ACP5: variants seen among roughly 807,000 people sequenced by gnomAD.
The protein encoded by ACP5 is acid phosphatase 5, tartrate resistant.
In ACP5, 24 loss-of-function variants were observed where a neutral mutation model predicts 28.7. That is an observed-to-expected ratio of 0.84 (90% CI 0.61 to 1.18). The LOEUF (loss-of-function observed/expected upper bound fraction) is 1.18, where lower values mean the gene tolerates loss of function less well. Among genes scored for constraint, ACP5 ranks in the 50% most tolerant of loss-of-function variants. The probability of loss-of-function intolerance (pLI) is 0.00; values close to 1 mark genes in which losing one functional copy is unlikely to be tolerated. For synonymous variants in ACP5, 154 were observed against 181.4 expected (o/e 0.85, Z 1.21); for missense variants, 354 against 422.2 (o/e 0.84, Z 1.42).
chr19:11,576,663 C>T (rs1973170085), intron 3 of ACP5, 53 bp downstream of exon 3: 1 of 1,613,810 alleles, frequency 6.2e-7, no homozygotes, highest in Non-Finnish European at 8.5e-7. Context: ...CCACAGGGCC[C>T]CTGTGTCCCT....
rs770348727 is a variant in ACP5, at chr19:11,576,936, C to T, written c.262-93G>A. 8 of 1,610,016 alleles carry T rather than the reference C, an allele frequency of 5.0e-6. No individual in the cohort carries two copies. In the East Asian group the frequency reaches 1.8e-4, roughly 36 times the overall value. ...CAGGATAAGGGAGACACTGAATGCT[C>T]CCGGCGCCCAAAGGTGCCCCATCAC... is the stretch of plus-strand genomic sequence containing the variant. On this transcript the variant is annotated intron_variant, in intron 2 of 4. Transcript: ENST00000648477.
chr19:11,576,604 A>G lies in ACP5; in HGVS notation c.390-16T>C, dbSNP rs764203884. ...GGGGAAGTTCCTGTGGAGGGGATAG[A>G]GGTCGTGGGTGCACATCTTGGGCGC... On this transcript the variant is annotated splice_polypyrimidine_tract_variant and intron_variant, in intron 3 of 4. Coordinates refer to ENST00000648477, the MANE Select transcript of ACP5 (RefSeq NM_001611.5). 2 of 1,613,556 alleles carry G rather than the reference A, an allele frequency of 1.2e-6. No homozygotes were observed. The highest frequency in any genetic ancestry group is 1.1e-5 in the South Asian group (1 of 91,014).
In ACP5 at chr19:11,576,769, G is replaced by A; in HGVS notation, c.336C>T (p.Asp112=). 3.1e-6 allele frequency: 5 copies of A among 1,614,072 alleles called. No homozygotes were observed. Among genetic ancestry groups the A allele is most frequent in the Non-Finnish European group, 3.4e-6 (4 of 1,180,012 alleles). ...VPWYVLAGNH[D]HLGNVSAQIA... ...TCTGGGCAGAGACATTGCCAAGGTG[G>A]TCATGGTTTCCGGCTAGCACGTACC... The change falls in exon 3 of 5, where the codon GAC becomes GAT. Residue 112 remains aspartate, a synonymous_variant. Transcript: ENST00000648477.
intron 4 of ACP5, 72 bp from the exon 5 acceptor site, chr19:11,575,324 A>T (rs1215238955): frequency 6.3e-7 from 1 of 1,585,418 alleles, no homozygotes; most frequent in Admixed American, 1.7e-5. Flanking sequence ...CCAGGGCTCG[A>T]TCTGGCCCTA....
rs746606561 is a variant in ACP5, at chr19:11,576,519, A to G, written c.459T>C (p.Phe153=). 5 of 1,613,922 alleles carry G rather than the reference A, an allele frequency of 3.1e-6. No individual in the cohort carries two copies. The highest frequency in any genetic ancestry group is 4.2e-6 in the Non-Finnish European group (5 of 1,179,998). ...CACATAGTGTCACTGTGTCCAGCAT[A>G]AAAATGGCCACAGACACATTGGTCT... ...IPQTNVSVAI[F]MLDTVTLCGN... is the part of the protein sequence containing the mutation. The change falls in exon 4 of 5, where the codon TTT becomes TTC. Residue 153 remains phenylalanine, a synonymous_variant. Coordinates refer to ENST00000648477, the MANE Select transcript of ACP5 (RefSeq NM_001611.5).
Position 11,575,138 on chromosome 19 carries a change from C to T in ACP5, c.850G>A (p.Gly284Arg). ...AAGCCACCCAGTGAGTCTTCAGTCC[C>T]ATAGTGGAAGCGCAGATAGCCGTTG... ...VPNGYLRFHY[G>R]TEDSLGGFAY... The change falls in exon 5 of 5, where the codon GGG becomes AGG. Residue 284 changes from glycine to arginine, a missense_variant. By Grantham distance (125) the Gly-to-Arg change is moderately radical. Coordinates refer to ENST00000648477, the MANE Select transcript of ACP5 (RefSeq NM_001611.5). 6.2e-7 allele frequency: 1 copy of T among 1,614,192 alleles called. No homozygotes were observed. The highest frequency in any genetic ancestry group is 8.5e-7 in the Non-Finnish European group (1 of 1,180,038).
At chr19:11,577,676 T>G, upstream of ACP5, 7 of 392,974 alleles carry the variant, frequency 1.8e-5, no homozygotes, top group Non-Finnish European at 2.4e-5. This position sits in a 1 kb window ranked among gnomAD's most constrained non-coding sequence, Gnocchi z 5.7. Context: ...TGAGCCTTTA[T>G]TCCCTGAGGA....
Position 11,574,827 on chromosome 19 carries a change from A to T in ACP5, c.*183T>A. The T allele has an allele frequency of 1.5e-6, 1 of 662,606 alleles. No homozygotes were observed. Among genetic ancestry groups the T allele is most frequent in the Non-Finnish European group, 2.6e-6 (1 of 380,464 alleles). The allele number at this position is 662,606 out of a possible 1,614,324, so 41.0% of individuals were successfully genotyped here. A position where few individuals can be genotyped will look rare whatever the true frequency, so the allele number is the denominator to read the frequency against. ...TGGGACACATGTCCATGTGTGTTTC[A>T]CATACGTGGGCATCTGTGCCACAAG... On this transcript the variant is annotated 3_prime_UTR_variant, in exon 5 of 5. Transcript: ENST00000648477.
chr19:11,576,647 C>CT, intron 3 of ACP5, 59 bp from the exon 4 acceptor site: 1 of 1,613,840 alleles, frequency 6.2e-7, no homozygotes, highest in Non-Finnish European at 8.5e-7. Context: ...CCAGGGTCAG[C>CT]TCAAGCCACA....
rs2229532 is a variant in ACP5, at chr19:11,576,317, C to T, written c.661G>A (p.Val221Ile). ...IAEHGPTHCL[V>I]KQLRPLLATY... ...GCCAGCAGTGGCCGTAGCTGCTTGA[C>T]CAGGCAGTGGGTAGGCCCGTGCTCG... Residue 221 changes from valine (V) to isoleucine (I), a missense_variant, in exon 4 of 5, where the codon GTC (valine) becomes ATC (isoleucine). By Grantham distance (29) the Val-to-Ile change is conservative. Coordinates refer to ENST00000648477, the MANE Select transcript of ACP5 (RefSeq NM_001611.5). 10,401 of 1,611,542 alleles carry T rather than the reference C, an allele frequency of 6.5e-3. 612 individuals carry two copies. The African/African-American group carries it at 0.13, about 19-fold the overall frequency.
chr19:11,577,410 G>T lies in ACP5; in HGVS notation c.1-93C>A. On this transcript the variant is annotated intron_variant, in intron 1 of 4. Coordinates refer to ENST00000648477, the MANE Select transcript of ACP5 (RefSeq NM_001611.5). The surrounding 1 kb of genome is among the most constrained non-coding windows in gnomAD (Gnocchi z 5.7). ...GCCTGCCCTGAGATAGAGGGAGACT[G>T]CTTGCTGCAGGCTGCCCCTGCGGGA... 1 of 1,428,312 alleles carries T rather than the reference G, an allele frequency of 7.0e-7. No individual in the cohort carries two copies. The highest frequency in any genetic ancestry group is 9.7e-7 in the Non-Finnish European group (1 of 1,035,458). The allele number at this position is 1,428,312 out of a possible 1,614,324, so 88.5% of individuals were successfully genotyped here. A position where few individuals can be genotyped will look rare whatever the true frequency, so the allele number is the denominator to read the frequency against.
chr19:11,575,628 C>T (rs1435237379), intron 4 of ACP5: 4 of 282,736 alleles, frequency 1.4e-5, no homozygotes, highest in East Asian at 1.6e-4. Flanking sequence ...GAGGCCGAGG[C>T]GGGCAGATCA....
chr19:11,577,678 C>A (rs1025636710), upstream of ACP5: 3 of 393,932 alleles, frequency 7.6e-6, no homozygotes, highest in Non-Finnish European at 9.6e-6. This position sits in a 1 kb window ranked among gnomAD's most constrained non-coding sequence, Gnocchi z 5.7. Context: ...AGCCTTTATT[C>A]CCTGAGGAGG....
At position 11,576,492 on chromosome 19, in the gene ACP5, G is replaced by GCCACATAGTGTCACTGTGT; in HGVS notation, c.467_485dup (p.Asn163HisfsTer10). Reference sequence around the variant, plus strand: ...GCTGGCTGAGGAAGTCATCTGAGTTGCCACATAGTGTCACTGTGTCCAGCA... The same window carrying GCCACATAGTGTCACTGTGT: ...GCTGGCTGAGGAAGTCATCTGAGTTGCCACATAGTGTCACTGTGTCCACATAGTGTCACTGTGTCCAGCA... On this transcript the variant is annotated frameshift_variant, in exon 4 of 5. Transcript: ENST00000648477. LOFTEE classifies it high-confidence loss of function. 1 of 1,614,172 alleles carries GCCACATAGTGTCACTGTGT rather than the reference G, an allele frequency of 6.2e-7. No individual in the cohort carries two copies. The highest frequency in any genetic ancestry group is 8.5e-7 in the Non-Finnish European group (1 of 1,180,020).
At position 11,574,981 on chromosome 19, in the gene ACP5, G is replaced by A. The variant is rs1249215182; in HGVS notation, c.*29C>T. ...GCCCACCCACCCAACAGTGGAGATC[G>A]GGCCTCAGAGCTGGGCAGTCATGGG... On this transcript the variant is annotated 3_prime_UTR_variant, in exon 5 of 5. Transcript: ENST00000648477. 8 of 1,613,394 alleles carry A rather than the reference G, an allele frequency of 5.0e-6. No individual in the cohort carries two copies. The highest frequency in any genetic ancestry group is 1.1e-5 in the South Asian group (1 of 90,980).
At chr19:11,577,761 A>T, upstream of ACP5, 1 of 260,006 alleles carries the variant, frequency 3.8e-6, no homozygotes, top group South Asian at 4.4e-5. The surrounding 1 kb of genome is among the most constrained non-coding windows in gnomAD (Gnocchi z 5.7). Context: ...GGGTCATGTG[A>T]GCCCTGGACT....
rs1489132371 is a variant in ACP5, at chr19:11,576,363, G to A, written c.615C>T (p.His205=). 6.2e-7 allele frequency: 1 copy of A among 1,610,226 alleles called. No individual in the cohort carries two copies. The highest frequency in any genetic ancestry group is 8.5e-7 in the Non-Finnish European group (1 of 1,178,010). ...GCTCGGCTATGGACCACACGGGGTAGTGGCCAGCCACCAGCACGTAGTCCT... is the reference window on the plus strand; with the variant it reads ...GCTCGGCTATGGACCACACGGGGTAATGGCCAGCCACCAGCACGTAGTCCT... ...AREDYVLVAG[H]YPVWSIAEHG... is the part of the protein sequence containing the mutation. Residue 205 remains histidine, a synonymous_variant, in exon 4 of 5, where the codon CAC becomes CAT. Transcript: ENST00000648477.
At chr19:11,575,344 T>C (rs1973093256) in intron 4 of ACP5, 92 bp from the exon 5 acceptor site, 2 of 1,525,434 alleles carry the variant, frequency 1.3e-6, no homozygotes, top group Non-Finnish European at 1.8e-6. Flanking sequence ...AACCACAGAG[T>C]CACCTTGAGG....
At chr19:11,576,205 C>T in intron 4 of ACP5, 38 bp downstream of exon 4, 3 of 1,581,452 alleles carry the variant, frequency 1.9e-6, no homozygotes, top group Non-Finnish European at 1.7e-6. Flanking sequence ...ATGGGGACCC[C>T]CCTCACCCAG....
Sources: allele counts gnomAD v4.1 joint callset, GRCh38; gene constraint gnomAD v4.1.1; non-coding constraint Gnocchi (gnomAD v3.1); transcripts MANE v1.5; gene names NCBI Gene and HGNC (gene_info 2026-07-23, HGNC 2026-07-21).